The following ERI1 variants were observed in gnomAD, a reference collection of about 807,000 sequenced individuals.
The protein encoded by ERI1 is exoribonuclease 1, also known as 3'-5' exoribonuclease 1.
In ERI1, 39 loss-of-function variants were observed where a neutral mutation model predicts 39.7. That is an observed-to-expected ratio of 0.98 (90% confidence interval 0.76 to 1.28). The LOEUF (loss-of-function observed/expected upper bound fraction) is 1.28. ERI1 is among the 50% of genes most tolerant of loss of function. The pLI is 0.00. For synonymous variants in ERI1, 204 were observed against 149.6 expected (o/e 1.36, Z -2.65); for missense variants, 581 against 416.9 (o/e 1.39, Z -3.43).
intron 3 of ERI1, among the ~76,000 whole-genome samples, chr8:9,039,397 C>T (rs1563349465): frequency 6.6e-6 from 1 of 152,212 alleles, no homozygotes; most frequent in Non-Finnish European, 1.5e-5. Context: ...ATCAGACTGA[C>T]TTTGTCAGAA....
chr8:9,053,963 G>A (rs17155162), intron 3 of ERI1, among the ~76,000 whole-genome samples: 21,410 of 152,180 alleles, frequency 0.14, 1,687 homozygotes, highest in African/African-American at 0.18. Context: ...GTTTGGAAGT[G>A]AAAGGAAATA....
intron 3 of ERI1, among the ~76,000 whole-genome samples, chr8:9,075,540 G>C (rs550700441): frequency 1.3e-5 from 2 of 151,144 alleles, no homozygotes; most frequent in South Asian, 2.1e-4. Context: ...TCTTTACATG[G>C]AATAGCACTG....
rs74378629 is a variant in ERI1, at chr8:9,097,526, A to T, written n.300-18822A>T. On this transcript the variant is annotated intron_variant and non_coding_transcript_variant, in intron 3 of 3. Coordinates refer to the ERI1 transcript ENST00000518663. ...TCCACTAAAAATACAAAAATTAGCC[A>T]GACACGGTGGCGTGCGCCTGTAGTC... Among the ~76,000 whole-genome samples, 6 of 152,282 alleles carry T rather than the reference A, an allele frequency of 3.9e-5. No homozygotes were observed. In the South Asian group the frequency reaches 1.2e-3, roughly 32 times the overall value.
chr8:9,007,935 C>G (rs7834340), intron 1 of ERI1, 35 bp from the exon 2 acceptor site: 1 of 844,334 alleles, frequency 1.2e-6, no homozygotes, highest in Non-Finnish European at 1.6e-6. Context: ...AAACTACATC[C>G]TTTTTTTTTT....
At chr8:9,015,722 CAAAAAAA>C (rs758835506) in intron 3 of ERI1, among the ~76,000 whole-genome samples, 4 of 56,576 alleles carry the variant, frequency 7.1e-5, no homozygotes, top group Admixed American at 2.3e-4. Flanking sequence ...ACTCTGTCTC[CAAAAAAA>C]AAAAAAAAAA....
chr8:9,064,913 G>C (rs1563367521), intron 3 of ERI1, among the ~76,000 whole-genome samples: 1 of 152,202 alleles, frequency 6.6e-6, no homozygotes, highest in East Asian at 1.9e-4. Context: ...GGAGACAGGG[G>C]TGGGGCTGTT....
intron 3 of ERI1, among the ~76,000 whole-genome samples, chr8:9,063,815 G>C (rs1798781173): frequency 6.6e-6 from 1 of 152,198 alleles, no homozygotes; most frequent in Non-Finnish European, 1.5e-5. Flanking sequence ...CTGGGGTCAA[G>C]TGGCATTGCA....
intron 3 of ERI1, among the ~76,000 whole-genome samples, chr8:9,071,037 G>C (rs558024074): frequency 2.0e-5 from 3 of 152,250 alleles, no homozygotes; most frequent in East Asian, 3.9e-4. Context: ...TCTTCTGGCT[G>C]TTTTGGTCTG....
intron 3 of ERI1, among the ~76,000 whole-genome samples, chr8:9,047,566 G>GTGCATATCT (rs930403526): frequency 6.6e-6 from 1 of 151,964 alleles, no homozygotes; most frequent in African/African-American, 2.4e-5. Flanking sequence ...CTGTACACAG[G>GTGCATATCT]TGCATATCTG....
chr8:9,091,590 C>A (rs1343311890), intron 3 of ERI1: 1 of 151,976 alleles, frequency 6.6e-6, no homozygotes, highest in Non-Finnish European at 1.5e-5. Flanking sequence ...ATTTCAATGT[C>A]AAACACAGAA....
intron 3 of ERI1, among the ~76,000 whole-genome samples, chr8:9,074,106 T>G (rs1375779306): frequency 6.6e-6 from 1 of 151,788 alleles, no homozygotes; most frequent in African/African-American, 2.4e-5. Flanking sequence ...TTGTGTGTGT[T>G]ATTTTTTCGT....
intron 2 of ERI1, among the ~76,000 whole-genome samples, chr8:9,009,607 T>C (rs191591433): frequency 6.6e-6 from 1 of 151,902 alleles, no homozygotes; most frequent in Admixed American, 6.5e-5. Flanking sequence ...TGGTGTGATC[T>C]CGGCTCACTG....
chr8:9,097,581 A>G (rs1196860172), intron 3 of ERI1, among the ~76,000 whole-genome samples: 1 of 151,844 alleles, frequency 6.6e-6, no homozygotes, highest in African/African-American at 2.4e-5. Flanking sequence ...AGGCTGGAGA[A>G]TCACTTGAAC....
intron 3 of ERI1, among the ~76,000 whole-genome samples, chr8:9,058,485 A>T (rs1405618053): frequency 1.3e-5 from 2 of 152,208 alleles, no homozygotes; most frequent in Admixed American, 1.3e-4. Context: ...TAATGAGGTG[A>T]TGAATAAAAA....
intron 6 of ERI1, among the ~76,000 whole-genome samples, chr8:9,021,591 C>T (rs1037983850): frequency 2.0e-5 from 3 of 152,136 alleles, no homozygotes; most frequent in African/African-American, 7.2e-5. Flanking sequence ...CTTGTAACTT[C>T]CACCCACTTA....
At chr8:9,005,222 T>A (rs1403267488) in intron 1 of ERI1, among the ~76,000 whole-genome samples, 1 of 152,196 alleles carries the variant, frequency 6.6e-6, no homozygotes, top group Admixed American at 6.5e-5. Context: ...TTTCTTTTTT[T>A]AAAAGGTAGT....
At chr8:9,045,114 T>C (rs1387378643) in intron 3 of ERI1, among the ~76,000 whole-genome samples, 1 of 151,482 alleles carries the variant, frequency 6.6e-6, no homozygotes, top group Non-Finnish European at 1.5e-5. Context: ...CGGGCACCTG[T>C]AGTCCCAGCT....
At chr8:9,020,026 T>G (rs1817715364) in intron 5 of ERI1, among the ~76,000 whole-genome samples, 2 of 152,174 alleles carry the variant, frequency 1.3e-5, no homozygotes, top group African/African-American at 4.8e-5. Context: ...TGCTGTCAAC[T>G]TACCATGCTA....
chr8:9,058,626 G>C (rs6994214), intron 3 of ERI1, among the ~76,000 whole-genome samples: 21,370 of 152,074 alleles, frequency 0.14, 1,649 homozygotes, highest in African/African-American at 0.17. Flanking sequence ...TGAAAGTATC[G>C]TCTTCTGTTT....
Sources: gnomAD v4.1 joint callset for allele counts (sites outside exome capture counted in the v4.1 genomes callset) on GRCh38, gnomAD v4.1.1 for gene constraint, MANE v1.5 for transcripts, NCBI Gene and HGNC (gene_info 2026-07-23, HGNC 2026-07-21) for gene names.